PTPRN2: variants seen among roughly 807,000 people sequenced by gnomAD.
The protein encoded by PTPRN2 is receptor-type tyrosine-protein phosphatase N2.
PTPRN2 carries 74 observed loss-of-function variants against 118.8 expected under a neutral mutation model. That is an observed-to-expected ratio of 0.62 (90% CI 0.52 to 0.76). The LOEUF (loss-of-function observed/expected upper bound fraction) is 0.76. Among genes scored for constraint, PTPRN2 ranks in the 30% least tolerant of loss-of-function variants. The probability of loss-of-function intolerance (pLI) is 0.00; values close to 1 mark genes in which losing one functional copy is unlikely to be tolerated. For missense variants in PTPRN2, 1,481 were observed against 1,394.4 expected, an observed-to-expected ratio of 1.06 and a Z score of -0.99; for synonymous variants, 641 against 608.0, an observed-to-expected ratio of 1.05 and a Z score of -0.80.
chr7:158,537,935 A>G (rs1825743881), intron 1 of PTPRN2, among the ~76,000 whole-genome samples: 1 of 152,226 alleles, frequency 6.6e-6, no homozygotes, highest in Admixed American at 6.5e-5. Flanking sequence ...TTGTTGTTTC[A>G]AATTCTAGTA....
At chr7:158,086,989 C>G (rs907768469) in intron 10 of PTPRN2, among the ~76,000 whole-genome samples, 2 of 152,310 alleles carry the variant, frequency 1.3e-5, no homozygotes, top group African/African-American at 4.8e-5. Flanking sequence ...GCCACTTCCT[C>G]GCGGGGCGAT....
intron 12 of PTPRN2, among the ~76,000 whole-genome samples, chr7:157,736,545 C>G (rs987596760): frequency 6.6e-6 from 1 of 152,140 alleles, no homozygotes; most frequent in African/African-American, 2.4e-5. Flanking sequence ...AGAACCGCCC[C>G]CACCCCCGCC....
rs557660618 is a variant in PTPRN2 at position 158,214,394 on chromosome 7, G to A, written c.278-9121C>T. On this transcript the variant is annotated intron_variant, in intron 3 of 22. Coordinates refer to ENST00000389418, the MANE Select transcript of PTPRN2 (RefSeq NM_002847.5). ...GAGGCCGCAATCCGGAAACACCAGC[G>A]TGTACACACACACACACACACACAC... 7.0e-5 allele frequency among the ~76,000 whole-genome samples: 8 copies of A among 114,908 alleles called. 1 individual carries two copies. Among genetic ancestry groups the A allele is most frequent in the South Asian group, 5.8e-4 (2 of 3,450 alleles). The allele number at this position is 114,908 out of a possible 152,430, so 75.4% of individuals were successfully genotyped here.
Position 158,013,751 on chromosome 7 carries a change from CCA to C in PTPRN2, c.1723+67545_1723+67546del, listed in dbSNP as rs1806225037. Among the ~76,000 whole-genome samples the C allele has an allele frequency of 1.2e-4, 3 of 25,518 alleles. 1 individual carries two copies. In the South Asian group the frequency reaches 6.7e-3, roughly 57 times the overall value. The allele number at this position is 25,518 out of a possible 152,430, so 16.7% of individuals were successfully genotyped here. A position where few individuals can be genotyped will look rare whatever the true frequency, so the allele number is the denominator to read the frequency against. The stretch of plus-strand genomic sequence containing the variant: ...CCCACTCATCCACCCACCCGCCCAT[CCA>C]TCCATCCACTCATCCACCTATCCAT... On this transcript the variant is annotated intron_variant, in intron 11 of 22. Transcript: ENST00000389418.
intron 11 of PTPRN2, among the ~76,000 whole-genome samples, chr7:157,949,655 A>T (rs1448270212): frequency 1.3e-5 from 2 of 152,266 alleles, no homozygotes; most frequent in Non-Finnish European, 2.9e-5. Context: ...GGACTAATAC[A>T]GGCCCATATT....
intron 3 of PTPRN2, among the ~76,000 whole-genome samples, chr7:158,274,452 G>A (rs112473671): frequency 9.8e-5 from 12 of 121,892 alleles, no homozygotes; most frequent in African/African-American, 2.1e-4. Flanking sequence ...CCGCAGACAC[G>A]GGGAGCCGCA....
intron 12 of PTPRN2, among the ~76,000 whole-genome samples, chr7:157,889,172 G>A (rs1016764206): frequency 6.6e-6 from 1 of 152,024 alleles, no homozygotes; most frequent in Non-Finnish European, 1.5e-5. Flanking sequence ...TGACCAAGAG[G>A]ACCCCAGAGA....
chr7:158,564,398 C>T (rs1294689703), intron 1 of PTPRN2, among the ~76,000 whole-genome samples: 3 of 152,246 alleles, frequency 2.0e-5, no homozygotes, highest in Admixed American at 1.3e-4. Context: ...AGCCAATCGA[C>T]CTGTGAGCAG....
At chr7:158,501,948 G>A (rs1822392711) in intron 1 of PTPRN2, among the ~76,000 whole-genome samples, 2 of 152,224 alleles carry the variant, frequency 1.3e-5, no homozygotes, top group South Asian at 2.1e-4. Flanking sequence ...GGATGCCTGC[G>A]ATGTCCGAAC....
At chr7:158,083,759 G>A (rs904975197) in intron 10 of PTPRN2, among the ~76,000 whole-genome samples, 2 of 152,158 alleles carry the variant, frequency 1.3e-5, no homozygotes, top group Non-Finnish European at 2.9e-5. Flanking sequence ...AGTGACCATC[G>A]CCGTCAGGCC....
In PTPRN2 at chr7:158,316,805, CA is replaced by C. The variant is rs777884727; in HGVS notation, c.277+13del. On this transcript the variant is annotated intron_variant, in intron 3 of 22. Transcript: ENST00000389418. The stretch of plus-strand genomic sequence containing the variant: ...GTGCGGCAGCCGCCGAGCCTCGGCC[CA>C]CGCCCGCCCTACCTGTGCCGGAAAG... The C allele has an allele frequency of 6.3e-7, 1 of 1,580,726 alleles. No homozygotes were observed. The highest frequency in any genetic ancestry group is 2.2e-5 in the East Asian group (1 of 44,622).
chr7:157,702,391 C>G lies in PTPRN2; in HGVS notation c.1789-19454G>C, dbSNP rs112537450. ...CTGGTAGGTGCTGGTGTAACTGACACGGGCTCTGAGTTTATGAGAAAGCCT... is the reference window on the plus strand; with the variant it reads ...CTGGTAGGTGCTGGTGTAACTGACAGGGGCTCTGAGTTTATGAGAAAGCCT... On this transcript the variant is annotated intron_variant, in intron 12 of 22. Transcript: ENST00000389418. 2.6e-3 allele frequency among the ~76,000 whole-genome samples: 402 copies of G among 152,098 alleles called. 4 individuals are homozygous for G. Among genetic ancestry groups the G allele is most frequent in the African/African-American group, 9.2e-3 (381 of 41,488 alleles).
At chr7:157,887,399 C>T (rs1796513719) in intron 12 of PTPRN2, among the ~76,000 whole-genome samples, 1 of 149,638 alleles carries the variant, frequency 6.7e-6, no homozygotes. Flanking sequence ...AAAAGATGCC[C>T]ACTCCCCCCA....
intron 11 of PTPRN2, among the ~76,000 whole-genome samples, chr7:157,927,691 G>A (rs956440417): frequency 3.3e-5 from 5 of 152,036 alleles, no homozygotes; most frequent in African/African-American, 9.7e-5. Flanking sequence ...CAGTGCACAC[G>A]GGCATGTGTG....
chr7:158,011,304 G>A (rs779782571), intron 11 of PTPRN2, among the ~76,000 whole-genome samples: 3 of 152,154 alleles, frequency 2.0e-5, no homozygotes, highest in Non-Finnish European at 2.9e-5. Context: ...TATGTCTCCC[G>A]GTGATTGTTA....
At chr7:157,551,914 C>T (rs571903678) in intron 21 of PTPRN2, among the ~76,000 whole-genome samples, 144 of 145,978 alleles carry the variant, frequency 9.9e-4, no homozygotes, top group Non-Finnish European at 1.7e-3. Flanking sequence ...AGCCAGCATG[C>T]ACCCCATGGG....
chr7:158,358,981 T>C (rs1808613140), intron 2 of PTPRN2, among the ~76,000 whole-genome samples: 1 of 152,218 alleles, frequency 6.6e-6, no homozygotes, highest in Non-Finnish European at 1.5e-5. Flanking sequence ...AAAGGTTTAC[T>C]GAATAAATGA....
chr7:157,789,653 A>AT (rs757548453), intron 12 of PTPRN2, among the ~76,000 whole-genome samples: 2 of 145,898 alleles, frequency 1.4e-5, no homozygotes, highest in Non-Finnish European at 3.0e-5. Flanking sequence ...TGTGGGTGTG[A>AT]TATGTGTGTG....
chr7:157,933,126 C>CTG (rs201819807), intron 11 of PTPRN2, among the ~76,000 whole-genome samples: 111 of 124,680 alleles, frequency 8.9e-4, no homozygotes, highest in Middle Eastern at 6.2e-3. Flanking sequence ...GTGAGTCACT[C>CTG]ATTGACAGTT....
Sources: gnomAD v4.1 joint callset for allele counts (sites outside exome capture counted in the v4.1 genomes callset) on GRCh38, gnomAD v4.1.1 for gene constraint, MANE v1.5 for transcripts, NCBI Gene and HGNC (gene_info 2026-07-23, HGNC 2026-07-21) for gene names.